CATSPERB: variants seen among roughly 807,000 people sequenced by gnomAD.
The protein encoded by CATSPERB is catsper channel auxiliary subunit beta.
CATSPERB carries 93 observed loss-of-function variants against 128.3 expected under a neutral mutation model. The observed-to-expected ratio is 0.72, with a 90% CI of 0.61 to 0.86. The LOEUF is 0.86. Ranked by LOEUF, CATSPERB falls within the 40% of genes least tolerant of loss-of-function variation. The pLI is 0.00. For synonymous variants in CATSPERB, 381 were observed against 448.8 expected (o/e 0.85, Z 1.91); for missense variants, 1,153 against 1,329.5 (o/e 0.87, Z 2.06).
chr14:91,649,329 ATATGTGTG>A (rs1349182446), intron 15 of CATSPERB, among the ~76,000 whole-genome samples: 4 of 42,448 alleles, frequency 9.4e-5, no homozygotes, highest in Middle Eastern at 0.013. Context: ...ATGTATACAT[ATATGTGTG>A]TGTGTGTGTG....
rs143164376 is a variant in CATSPERB, at chr14:91,725,838, T to C, written c.80-670A>G. On this transcript the variant is annotated intron_variant, in intron 2 of 26. Transcript: ENST00000256343. Reference sequence around the variant, plus strand: ...CCCTAATGAAAACAGGCATTTCTGTTTTCGTGCCCAGAAGTTGCCTTTTGG... The same window carrying C: ...CCCTAATGAAAACAGGCATTTCTGTCTTCGTGCCCAGAAGTTGCCTTTTGG... 5.4e-3 allele frequency among the ~76,000 whole-genome samples: 825 copies of C among 152,258 alleles called. 12 individuals carry two copies. Among genetic ancestry groups the C allele is most frequent in the African/African-American group, 0.019 (774 of 41,540 alleles).
intron 10 of CATSPERB, 79 bp from the exon 11 acceptor site, chr14:91,684,022 A>G: frequency 9.8e-7 from 1 of 1,017,372 alleles, no homozygotes. Flanking sequence ...AAAAACTAAA[A>G]AATTTCAAAG....
chr14:91,650,876 C>T (rs1372820745), intron 15 of CATSPERB, among the ~76,000 whole-genome samples: 2 of 151,880 alleles, frequency 1.3e-5, no homozygotes, highest in African/African-American at 4.8e-5. Flanking sequence ...CTTATTTGTT[C>T]ATTTTACATC....
intron 20 of CATSPERB, among the ~76,000 whole-genome samples, chr14:91,612,073 TTTA>T (rs1893844442): frequency 7.0e-6 from 1 of 143,238 alleles, no homozygotes; most frequent in Admixed American, 7.4e-5. Flanking sequence ...TCTTCCTTTT[TTTA>T]AGAGATGAGA....
At chr14:91,582,269 G>C (rs2139751799) in intron 26 of CATSPERB, among the ~76,000 whole-genome samples, 1 of 152,310 alleles carries the variant, frequency 6.6e-6, no homozygotes, top group Non-Finnish European at 1.5e-5. Context: ...ATGTTGACAG[G>C]AATGTTGACA....
intron 1 of CATSPERB, among the ~76,000 whole-genome samples, chr14:91,729,763 C>T (rs146402319): frequency 4.5e-4 from 69 of 152,278 alleles, no homozygotes; most frequent in African/African-American, 1.6e-3. Flanking sequence ...ATCAGTTACA[C>T]AGCTATGTAA....
chr14:91,695,007 T>C (rs995426722), intron 7 of CATSPERB, among the ~76,000 whole-genome samples: 2 of 152,198 alleles, frequency 1.3e-5, no homozygotes, highest in African/African-American at 4.8e-5. Flanking sequence ...CTCTTTTCTG[T>C]TTAAGGAAAG....
intron 11 of CATSPERB, among the ~76,000 whole-genome samples, chr14:91,678,164 A>C (rs749262196): frequency 2.0e-5 from 3 of 152,212 alleles, no homozygotes; most frequent in Non-Finnish European, 2.9e-5. Context: ...TGAAAGATGC[A>C]GCAAACCACC....
At chr14:91,712,100 T>C (rs145787684) in intron 5 of CATSPERB, among the ~76,000 whole-genome samples, 35 of 152,266 alleles carry the variant, frequency 2.3e-4, no homozygotes, top group Admixed American at 4.6e-4. Flanking sequence ...AGCAGTAAAA[T>C]ACTTGCAGTA....
intron 20 of CATSPERB, among the ~76,000 whole-genome samples, chr14:91,611,999 T>C (rs1013477063): frequency 6.6e-6 from 1 of 150,406 alleles, no homozygotes; most frequent in Non-Finnish European, 1.5e-5. Flanking sequence ...AAAATAACTT[T>C]GATTGTTTAC....
At chr14:91,610,444 C>T in intron 21 of CATSPERB, 36 bp downstream of exon 21, 2 of 1,566,268 alleles carry the variant, frequency 1.3e-6, no homozygotes, top group Non-Finnish European at 1.7e-6. Context: ...CATAGCATTG[C>T]TTCTTAAACC....
intron 22 of CATSPERB, among the ~76,000 whole-genome samples, chr14:91,601,802 G>T (rs1893612051): frequency 6.6e-6 from 1 of 151,940 alleles, no homozygotes; most frequent in African/African-American, 2.4e-5. Context: ...TATAAAGTTA[G>T]GGGAGCTAGC....
chr14:91,700,245 T>C (rs2139851216), intron 7 of CATSPERB, among the ~76,000 whole-genome samples: 1 of 152,346 alleles, frequency 6.6e-6, no homozygotes, highest in Non-Finnish European at 1.5e-5. Context: ...ATCCATGTCC[T>C]GCAAAAGACA....
At chr14:91,682,617 G>T (rs1895302081) in intron 11 of CATSPERB, among the ~76,000 whole-genome samples, 2 of 152,232 alleles carry the variant, frequency 1.3e-5, no homozygotes, top group South Asian at 4.2e-4. Flanking sequence ...ATGCATCTGG[G>T]AGCACCCTTA....
chr14:91,660,114 TCTCACACA>T (rs1389696289), intron 14 of CATSPERB, 133 bp from the exon 15 acceptor site: 406 of 351,892 alleles, frequency 1.2e-3, no homozygotes, highest in South Asian at 3.8e-3. Flanking sequence ...TCTCTCTCTC[TCTCACACA>T]CACACACACA....
rs144816970 is a variant in CATSPERB, at chr14:91,669,058, C to T, written c.1287+756G>A. On this transcript the variant is annotated intron_variant, in intron 14 of 26. Transcript: ENST00000256343. ...CTTTTCTTTATAAATTACCCCGTCT[C>T]GGACAGTTCTTTATAGCAGTGTGAG... is the stretch of plus-strand genomic sequence containing the variant. Among the ~76,000 whole-genome samples, 1,384 of 152,194 alleles carry T rather than the reference C, an allele frequency of 9.1e-3. 16 individuals carry two copies. The highest frequency in any genetic ancestry group is 0.044 in the Middle Eastern group (13 of 294).
In CATSPERB at chr14:91,610,640, G is replaced by C. The variant is rs1893808851; in HGVS notation, c.2438C>G (p.Ser813Cys). ...TSLAFIMWSA[S>C]TECFVTTMVP... ...CATTGTCGTAACAAAGCACTCAGTA[G>C]AGGCTGACCACATAATAAATGCCAG... The change falls in exon 21 of 27, where the codon TCT (serine) becomes TGT (cysteine). Residue 813 changes from serine to cysteine, a missense_variant. By Grantham distance (112) the Ser-to-Cys change is moderately radical (BLOSUM62 -1). Coordinates refer to ENST00000256343, the MANE Select transcript of CATSPERB (RefSeq NM_024764.4). 6.2e-7 allele frequency: 1 copy of C among 1,612,166 alleles called. No individual in the cohort carries two copies. The highest frequency in any genetic ancestry group is 1.3e-5 in the African/African-American group (1 of 74,870).
chr14:91,628,105 C>T (rs1251632165), intron 17 of CATSPERB, among the ~76,000 whole-genome samples: 1 of 152,178 alleles, frequency 6.6e-6, no homozygotes, highest in Admixed American at 6.5e-5. Flanking sequence ...TTTCCTTCAG[C>T]TCAAATAATC....
chr14:91,673,476 G>C (rs1465704992), intron 12 of CATSPERB, among the ~76,000 whole-genome samples: 1 of 152,192 alleles, frequency 6.6e-6, no homozygotes, highest in African/African-American at 2.4e-5. Flanking sequence ...TCAGTGACTG[G>C]CAGTCTATAC....
Sources: allele counts gnomAD v4.1 joint callset (sites outside exome capture counted in the v4.1 genomes callset), GRCh38; gene constraint gnomAD v4.1.1; transcripts MANE v1.5; gene names NCBI Gene and HGNC (gene_info 2026-07-23, HGNC 2026-07-21).